Variants in MORC2 observed in about 807,000 individuals in gnomAD.
MORC2 encodes the protein MORC family CW-type zinc finger 2, also known as ATPase MORC2.
A neutral mutation model predicts 136.0 loss-of-function variants in MORC2; 30 were observed. That is an observed-to-expected ratio of 0.22 (90% confidence interval 0.17 to 0.30). MORC2 has a LOEUF of 0.30. MORC2 is among the 10% of genes least tolerant of loss of function. The pLI, the probability that MORC2 is intolerant of heterozygous loss-of-function variation, is 1.00. For missense variants in MORC2, 922 were observed against 1,333.1 expected (o/e 0.69, Z 4.80); for synonymous variants, 439 against 487.0 (o/e 0.90, Z 1.30).
rs1190369713 is a variant in MORC2 at position 30,934,626 on chromosome 22, G to A, written c.2193+155C>T. Reference sequence around the variant, plus strand: ...TGTGCTGTCTGGCCCCAACAAGTCCGTTCAGCTATCAAGGCTTCCCGTCCT... The same window carrying A: ...TGTGCTGTCTGGCCCCAACAAGTCCATTCAGCTATCAAGGCTTCCCGTCCT... On this transcript the variant is annotated intron_variant, in intron 19 of 25. Coordinates refer to ENST00000397641, the MANE Select transcript of MORC2 (RefSeq NM_001303256.3). This position sits in a 1 kb window ranked among gnomAD's most constrained non-coding sequence, Gnocchi z 4.4. 3.3e-5 allele frequency among the ~76,000 whole-genome samples: 5 copies of A among 152,164 alleles called. No homozygotes were observed. The highest frequency in any genetic ancestry group is 7.4e-5 in the Non-Finnish European group (5 of 68,022).
At chr22:30,927,156 T>C (rs960563355) in intron 25 of MORC2, among the ~76,000 whole-genome samples, 1 of 151,972 alleles carries the variant, frequency 6.6e-6, no homozygotes, top group Non-Finnish European at 1.5e-5. Context: ...CCCACTTCTC[T>C]CCCTTCTCTG....
chr22:30,944,399 G>C (rs1030617281), intron 6 of MORC2, among the ~76,000 whole-genome samples: 4 of 151,986 alleles, frequency 2.6e-5, no homozygotes, highest in Non-Finnish European at 5.9e-5. Flanking sequence ...TTCTCCTTTA[G>C]TTCAATGGTA....
intron 11 of MORC2, 51 bp from the exon 12 acceptor site, chr22:30,939,757 G>T: frequency 6.4e-7 from 1 of 1,552,600 alleles, no homozygotes; most frequent in Non-Finnish European, 8.8e-7. Context: ...GGCCACAGCA[G>T]GGAATATTGA....
At chr22:30,929,686 G>A (rs982322970) in intron 24 of MORC2, among the ~76,000 whole-genome samples, 5 of 152,254 alleles carry the variant, frequency 3.3e-5, no homozygotes, top group South Asian at 2.1e-4. Context: ...GTGTGAACCC[G>A]GGAGGCAGAG....
Position 30,934,808 on chromosome 22 carries a change from C to G in MORC2, c.2166G>C (p.Lys722Asn). ...GGGAGAGTTTGATGGGTGACTCTGT[C>G]TTCTTCACCACTGGAGTCTTGATGA... ...PKVIKTPVVK[K>N]TESPIKLSPA... Residue 722 changes from lysine to asparagine, a missense_variant, in exon 19 of 26, where the codon AAG becomes AAC. Coordinates refer to ENST00000397641, the MANE Select transcript of MORC2 (RefSeq NM_001303256.3). This position sits in a 1 kb window ranked among gnomAD's most constrained non-coding sequence, Gnocchi z 4.4. The G allele has an allele frequency of 6.2e-7, 1 of 1,614,194 alleles. No individual in the cohort carries two copies. Among genetic ancestry groups the G allele is most frequent in the Non-Finnish European group, 8.5e-7 (1 of 1,180,034 alleles).
chr22:30,933,115 C>A lies in MORC2; in HGVS notation c.2381-85G>T, dbSNP rs958560959. On this transcript the variant is annotated intron_variant, in intron 21 of 25. Transcript: ENST00000397641. The stretch of plus-strand genomic sequence containing the variant: ...GGGCCACATCGAGAAAGGCAGTCCC[C>A]AGGGTTTGGAGGACAGGAACACTTA... The A allele has an allele frequency of 5.9e-5, 92 of 1,571,194 alleles. No individual in the cohort carries two copies. The Admixed American group carries it at 1.5e-3, about 26-fold the overall frequency.
chr22:30,959,508 C>A (rs1362496443), intron 1 of MORC2, among the ~76,000 whole-genome samples: 1 of 152,140 alleles, frequency 6.6e-6, no homozygotes, highest in Non-Finnish European at 1.5e-5. Flanking sequence ...AGATGACGCA[C>A]AAGTATTGGT....
chr22:30,934,184 G>C lies in MORC2; in HGVS notation c.2201C>G (p.Pro734Arg). The change falls in exon 20 of 26, where the codon CCT becomes CGT. Residue 734 changes from proline (P) to arginine (R), a missense_variant. Pro to Arg is a moderately radical substitution (Grantham distance 103). Transcript: ENST00000397641. The surrounding 1 kb of genome is among the most constrained non-coding windows in gnomAD (Gnocchi z 4.4). ...AACTGCGACACTCCGCTTCCGACTAGGGGTAGCCTAGAGCAAGAGGAGCGT... is the reference window on the plus strand; with the variant it reads ...AACTGCGACACTCCGCTTCCGACTACGGGTAGCCTAGAGCAAGAGGAGCGT... ...ESPIKLSPAT[P>R]SRKRSVAVSD... The C allele has an allele frequency of 1.2e-6, 2 of 1,614,114 alleles. No individual in the cohort carries two copies. Among genetic ancestry groups the C allele is most frequent in the South Asian group, 1.1e-5 (1 of 91,072 alleles).
rs367869929 is a variant in MORC2 at position 30,941,596 on chromosome 22, T to G, written c.699-38A>C. 2.5e-6 allele frequency: 4 copies of G among 1,602,042 alleles called. No individual in the cohort carries two copies. The African/African-American group carries it at 5.4e-5, about 21-fold the overall frequency. On this transcript the variant is annotated intron_variant, in intron 8 of 25. Coordinates refer to ENST00000397641, the MANE Select transcript of MORC2 (RefSeq NM_001303256.3). The surrounding 1 kb of genome is among the most constrained non-coding windows in gnomAD (Gnocchi z 4.6). ...AAAACAGAGAAGTGCTGTCACCTGC[T>G]CCACAACAGGCCTGACCAAGGGCAC...
intron 25 of MORC2, among the ~76,000 whole-genome samples, chr22:30,927,582 C>G (rs1023440819): frequency 6.6e-6 from 1 of 152,228 alleles, no homozygotes; most frequent in Non-Finnish European, 1.5e-5. Context: ...ACCAGACTGG[C>G]AGGCTGTGAG....
chr22:30,967,348 A>G, intron 1 of MORC2: 1 of 987,474 alleles, frequency 1.0e-6, no homozygotes, highest in Non-Finnish European at 1.2e-6. Flanking sequence ...AGATAATGCC[A>G]ACTTCTGAAA....
chr22:30,951,823 TG>T, intron 3 of MORC2, among the ~76,000 whole-genome samples: 1 of 152,044 alleles, frequency 6.6e-6, no homozygotes, highest in African/African-American at 2.4e-5. Flanking sequence ...TTTTTTTTTT[TG>T]AAATGGAGTC....
chr22:30,946,826 G>C (rs992993936), intron 5 of MORC2, among the ~76,000 whole-genome samples: 1 of 152,108 alleles, frequency 6.6e-6, no homozygotes, highest in Non-Finnish European at 1.5e-5. Flanking sequence ...CATCCCAGAC[G>C]CATGAGAGGT....
In MORC2 at chr22:30,945,671, GTGT is replaced by G. The variant is rs2040806314; in HGVS notation, c.426+667_426+669del. Reference sequence around the variant, plus strand: ...GCCACAAGGAGAATCGGCCAAATGTGTGTTTAGCTTACATAGTCAATTACTAAA... The same window carrying G: ...GCCACAAGGAGAATCGGCCAAATGTGTTAGCTTACATAGTCAATTACTAAA... On this transcript the variant is annotated intron_variant, in intron 6 of 25. Coordinates refer to ENST00000397641, the MANE Select transcript of MORC2 (RefSeq NM_001303256.3). Among the ~76,000 whole-genome samples the G allele has an allele frequency of 6.6e-5, 10 of 152,316 alleles. No homozygotes were observed. In the South Asian group the frequency reaches 2.1e-3, roughly 32 times the overall value.
intron 25 of MORC2, among the ~76,000 whole-genome samples, chr22:30,927,075 C>T (rs933985809): frequency 5.9e-5 from 9 of 152,090 alleles, no homozygotes; most frequent in African/African-American, 1.9e-4. Context: ...AGATTTCCTA[C>T]GCCCACCCTG....
At chr22:30,936,675 C>A in intron 16 of MORC2, 32 bp from the exon 17 acceptor site, 2 of 1,604,952 alleles carry the variant, frequency 1.2e-6, no homozygotes, top group Non-Finnish European at 1.7e-6. Flanking sequence ...GAGGTCGTGG[C>A]AAACAGAGCG....
chr22:30,955,249 C>T lies in MORC2; in HGVS notation c.157+1514G>A, dbSNP rs146235964. Among the ~76,000 whole-genome samples, 740 of 152,304 alleles carry T rather than the reference C, an allele frequency of 4.9e-3. 1 individual carries two copies. Among genetic ancestry groups the T allele is most frequent in the Middle Eastern group, 0.017 (5 of 294 alleles). On this transcript the variant is annotated intron_variant, in intron 3 of 25. Transcript: ENST00000397641. ...TTGGGATTACAGGTGTGAGCCACCA[C>T]GCCCAGCCTTGGCCTGAGCATTTAG...
At chr22:30,966,619 A>C (rs1401019012) in intron 1 of MORC2, among the ~76,000 whole-genome samples, 1 of 152,116 alleles carries the variant, frequency 6.6e-6, no homozygotes, top group Non-Finnish European at 1.5e-5. Context: ...TCTCTAAAAA[A>C]ATACAAAAAT....
chr22:30,944,917 C>T (rs2040794319), intron 6 of MORC2, among the ~76,000 whole-genome samples: 1 of 152,244 alleles, frequency 6.6e-6, no homozygotes, highest in Non-Finnish European at 1.5e-5. Context: ...CCAATCACCA[C>T]ACAATCGCTA....
Sources: allele counts gnomAD v4.1 joint callset (sites outside exome capture counted in the v4.1 genomes callset), GRCh38; gene constraint gnomAD v4.1.1; non-coding constraint Gnocchi (gnomAD v3.1); transcripts MANE v1.5; gene names NCBI Gene and HGNC (gene_info 2026-07-23, HGNC 2026-07-21).